The following DMD variants were observed in gnomAD, a reference collection of about 807,000 sequenced individuals.
DMD encodes dystrophin, also known as mutant dystrophin.
DMD carries 63 observed loss-of-function variants against 330.1 expected under a neutral mutation model. That is an observed-to-expected ratio of 0.19 (90% CI 0.16 to 0.24). The LOEUF (loss-of-function observed/expected upper bound fraction) is 0.24. Among genes scored for constraint, DMD ranks in the 10% least tolerant of loss-of-function variants. The pLI, the probability that DMD is intolerant of heterozygous loss-of-function variation, is 1.00. For synonymous variants in DMD, 1,223 were observed against 959.8 expected (o/e 1.27, Z -5.07); for missense variants, 3,344 against 2,684.1 (o/e 1.25, Z -5.43).
intron 2 of DMD, among the ~76,000 whole-genome samples, chrX:32,948,576 T>C (rs971273173): frequency 8.9e-6 from 1 of 112,161 alleles, no homozygotes; most frequent in Non-Finnish European, 1.9e-5. Flanking sequence ...TGCTTAATTG[T>C]ATCTGTGCTA....
At chrX:32,878,602 G>C (rs1485062952) in intron 2 of DMD, among the ~76,000 whole-genome samples, 1 of 111,256 alleles carries the variant, frequency 9.0e-6, no homozygotes, top group East Asian at 2.8e-4. Context: ...CTCTAAAAAA[G>C]TTGTGAATTA....
chrX:32,794,385 C>T (rs1479269635), intron 7 of DMD, among the ~76,000 whole-genome samples: 3 of 111,203 alleles, frequency 2.7e-5, no homozygotes, highest in Non-Finnish European at 1.9e-5. Flanking sequence ...ATCAGGAGAT[C>T]GAGATCATCC....
At chrX:32,795,391 G>C (rs928835882) in intron 7 of DMD, among the ~76,000 whole-genome samples, 1 of 112,046 alleles carries the variant, frequency 8.9e-6, no homozygotes, top group Non-Finnish European at 1.9e-5. Flanking sequence ...TCTTCAAATG[G>C]TGCTGAGAAT....
At chrX:32,222,195 C>T (rs1183266146) in intron 43 of DMD, among the ~76,000 whole-genome samples, 1 of 111,933 alleles carries the variant, frequency 8.9e-6, no homozygotes, top group Non-Finnish European at 1.9e-5. Flanking sequence ...TACTAATTTA[C>T]AATCACCAGC....
chrX:31,154,281 G>T (rs868587305), intron 74 of DMD, among the ~76,000 whole-genome samples: 5 of 99,427 alleles, frequency 5.0e-5, no homozygotes, highest in East Asian at 3.7e-4. Flanking sequence ...TTATTCTAAT[G>T]TTTTTTTTTT....
chrX:32,190,071 A>C (rs2096966139), intron 44 of DMD, among the ~76,000 whole-genome samples: 1 of 110,211 alleles, frequency 9.1e-6, no homozygotes, highest in South Asian at 3.9e-4. Flanking sequence ...TCCCCAAGGG[A>C]CATTTGGAAA....
At chrX:32,620,491 G>A (rs1486417908) in intron 11 of DMD, among the ~76,000 whole-genome samples, 3 of 112,405 alleles carry the variant, frequency 2.7e-5, no homozygotes, top group Non-Finnish European at 5.6e-5. Flanking sequence ...CATTTACCAT[G>A]AGGAACATTG....
rs375087390 is a variant in DMD at position 32,680,299 on chromosome X, A to C, written c.960+17571T>G. ...CATGAAAATATTTTTCTAATATTTA[A>C]CGTAACGTTTAGAAACATCACTAAG... On this transcript the variant is annotated intron_variant, in intron 9 of 78. Coordinates refer to ENST00000357033, the MANE Select transcript of DMD (RefSeq NM_004006.3). Among the ~76,000 whole-genome samples the C allele has an allele frequency of 4.5e-5, 5 of 111,620 alleles. No homozygotes were observed. The East Asian group carries it at 8.4e-4, about 19-fold the overall frequency.
intron 44 of DMD, among the ~76,000 whole-genome samples, chrX:32,213,006 T>C (rs1283764316): frequency 1.8e-5 from 2 of 112,145 alleles, no homozygotes; most frequent in Non-Finnish European, 3.8e-5. Context: ...TAAATTCTCT[T>C]CTTTAAAGTG....
intron 7 of DMD, among the ~76,000 whole-genome samples, chrX:32,728,148 T>C (rs1474856843): frequency 9.0e-6 from 1 of 111,258 alleles, no homozygotes; most frequent in African/African-American, 3.3e-5. Context: ...ACTCTTATGC[T>C]CTTACACTGC....
At chrX:31,950,165 T>A (rs1354957550) in intron 45 of DMD, among the ~76,000 whole-genome samples, 3 of 111,591 alleles carry the variant, frequency 2.7e-5, no homozygotes, top group African/African-American at 9.7e-5. Flanking sequence ...ACTGCTTTAG[T>A]TACATCCTAT....
chrX:33,256,314 A>G (rs1319998775), intron 1 of DMD, among the ~76,000 whole-genome samples: 1 of 110,767 alleles, frequency 9.0e-6, no homozygotes, highest in African/African-American at 3.2e-5. Context: ...ATGATATAAT[A>G]AAGTATAATA....
rs12393924 is a variant in DMD, at chrX:33,310,543, C to T, written c.7+28716G>A. Among the ~76,000 whole-genome samples, 253 of 110,812 alleles carry T rather than the reference C, an allele frequency of 2.3e-3. 1 individual carries two copies. Among genetic ancestry groups the T allele is most frequent in the African/African-American group, 7.6e-3 (234 of 30,662 alleles). On this transcript the variant is annotated intron_variant, in intron 1 of 17. Coordinates refer to the DMD transcript ENST00000288447. ...GTATATTTTTCTTCTAAGAGAAGTT[C>T]GCTTCTTTAAAATTTGGATTACAAT...
chrX:32,289,545 G>T (rs1345291924), intron 42 of DMD, among the ~76,000 whole-genome samples: 2 of 111,153 alleles, frequency 1.8e-5, no homozygotes, highest in East Asian at 5.7e-4. Context: ...TAAGAGGCCA[G>T]AACAAGATAC....
intron 44 of DMD, among the ~76,000 whole-genome samples, chrX:32,073,455 G>A (rs1012605634): frequency 9.0e-6 from 1 of 110,998 alleles, no homozygotes; most frequent in Admixed American, 9.6e-5. Context: ...TAAACATTAT[G>A]GCTAAAAAAT....
intron 6 of DMD, among the ~76,000 whole-genome samples, chrX:32,815,518 T>TACACACACAC (rs1355168422): frequency 1.1e-3 from 48 of 45,474 alleles, no homozygotes; most frequent in African/African-American, 3.4e-3. Context: ...TATATATATA[T>TACACACACAC]ATACACACAC....
At chrX:32,362,574 A>AAGAGACAGAG (rs367926549) in intron 37 of DMD, among the ~76,000 whole-genome samples, 1 of 111,398 alleles carries the variant, frequency 9.0e-6, no homozygotes, top group Non-Finnish European at 1.9e-5. Flanking sequence ...GAGAGAGAAA[A>AAGAGACAGAG]AGAGACAGAG....
intron 60 of DMD, among the ~76,000 whole-genome samples, chrX:31,389,320 G>A (rs2060594089): frequency 8.9e-6 from 1 of 112,145 alleles, no homozygotes; most frequent in Non-Finnish European, 1.9e-5. Context: ...AGGAATGGCA[G>A]ACAAATGTAA....
At chrX:32,327,672 C>T (rs910962046) in intron 41 of DMD, among the ~76,000 whole-genome samples, 2 of 111,232 alleles carry the variant, frequency 1.8e-5, no homozygotes, top group African/African-American at 6.5e-5. Flanking sequence ...ATAGCTTGTT[C>T]TCTGTCAATG....
Sources: allele counts gnomAD v4.1 joint callset (sites outside exome capture counted in the v4.1 genomes callset), GRCh38; gene constraint gnomAD v4.1.1; transcripts MANE v1.5; gene names NCBI Gene and HGNC (gene_info 2026-07-23, HGNC 2026-07-21).